The following CDH12 variants were observed in gnomAD, a reference collection of about 807,000 sequenced individuals.
CDH12 encodes cadherin-12.
CDH12 carries 41 observed loss-of-function variants against 74.1 expected under a neutral mutation model. The ratio of observed to expected loss-of-function variants is 0.55; its 90% CI spans 0.43 to 0.72. CDH12 has a LOEUF of 0.72. Ranked by LOEUF, CDH12 falls within the 30% of genes least tolerant of loss-of-function variation. The pLI is 0.00. For missense variants in CDH12, 945 were observed against 977.2 expected (o/e 0.97, Z 0.44); for synonymous variants, 399 against 355.0 (o/e 1.12, Z -1.39).
chr5:21,791,236 T>C (rs1021313859), intron 10 of CDH12, among the ~76,000 whole-genome samples: 4 of 152,034 alleles, frequency 2.6e-5, no homozygotes, highest in African/African-American at 9.7e-5. Flanking sequence ...ATATTTTCTA[T>C]TGTGATATTT....
At chr5:22,343,317 C>CACAG (rs1554033421) in intron 3 of CDH12, among the ~76,000 whole-genome samples, 1,041 of 93,698 alleles carry the variant, frequency 0.011, 8 homozygotes, top group Middle Eastern at 0.045. Context: ...CACACAGACA[C>CACAG]ACACACAGAG....
At chr5:22,007,183 G>C (rs2150149220) in intron 5 of CDH12, among the ~76,000 whole-genome samples, 1 of 152,264 alleles carries the variant, frequency 6.6e-6, no homozygotes, top group East Asian at 1.9e-4. Flanking sequence ...GGTAATAAAA[G>C]ACAGATCCTG....
intron 6 of CDH12, among the ~76,000 whole-genome samples, chr5:21,953,035 C>A (rs1755934261): frequency 1.3e-5 from 2 of 151,730 alleles, no homozygotes; most frequent in African/African-American, 4.8e-5. Context: ...ATTAATGCAG[C>A]CATGCTTCCC....
rs1170373311 is a variant in CDH12 at position 21,765,556 on chromosome 5, A to AG, written c.1394-458dup. On this transcript the variant is annotated intron_variant, in intron 11 of 14. Transcript: ENST00000382254. ...AGAACTATAACAAAAAAAAAAAAAA[A>AG]GGGGAAAGAAGGCTCTTTATAAATG... Among the ~76,000 whole-genome samples the AG allele has an allele frequency of 1.7e-3, 253 of 150,876 alleles. 1 individual carries two copies. The highest frequency in any genetic ancestry group is 6.0e-3 in the African/African-American group (245 of 41,110).
At chr5:22,483,215 TA>T (rs1746450188) in intron 2 of CDH12, among the ~76,000 whole-genome samples, 1 of 152,202 alleles carries the variant, frequency 6.6e-6, no homozygotes, top group African/African-American at 2.4e-5. Flanking sequence ...ATGTCACGTC[TA>T]TTAACTGCAG....
At position 22,405,324 on chromosome 5, in the gene CDH12, C is replaced by G; in HGVS notation, c.-400G>C. ...CAAATTGTTTTGACCTCCACAGTAACTTGATTCTATAGCACTGGACATCAA... is the reference window on the plus strand; with the variant it reads ...CAAATTGTTTTGACCTCCACAGTAAGTTGATTCTATAGCACTGGACATCAA... On this transcript the variant is annotated 5_prime_UTR_variant, in exon 3 of 15. Transcript: ENST00000382254. The G allele has an allele frequency of 1.0e-6, 1 of 981,026 alleles. No homozygotes were observed. The allele number at this position is 981,026 out of a possible 1,614,324, so 60.8% of individuals were successfully genotyped here.
At chr5:21,836,367 T>A (rs1749535737) in intron 8 of CDH12, among the ~76,000 whole-genome samples, 1 of 151,460 alleles carries the variant, frequency 6.6e-6, no homozygotes, top group Non-Finnish European at 1.5e-5. Context: ...GAGTAAGAAA[T>A]TTTCTTAGAA....
intron 2 of CDH12, among the ~76,000 whole-genome samples, chr5:22,425,011 T>A (rs1440502593): frequency 1.3e-5 from 2 of 150,242 alleles, no homozygotes; most frequent in Non-Finnish European, 3.0e-5. Context: ...CCATACATGA[T>A]ATATCTGCAC....
At chr5:22,636,654 A>G (rs779198574) in intron 1 of CDH12, among the ~76,000 whole-genome samples, 3 of 152,180 alleles carry the variant, frequency 2.0e-5, no homozygotes, top group Non-Finnish European at 4.4e-5. Flanking sequence ...GTGAATGACA[A>G]TGTCTGAGGG....
chr5:22,831,351 T>TTTTGTG (rs1554007032), intron 1 of CDH12, among the ~76,000 whole-genome samples: 2 of 138,644 alleles, frequency 1.4e-5, no homozygotes, highest in African/African-American at 5.6e-5. Flanking sequence ...GTTTTGGAGT[T>TTTTGTG]TGTGTGTGTG....
chr5:22,822,868 C>T (rs1396753334), intron 1 of CDH12, among the ~76,000 whole-genome samples: 2 of 152,116 alleles, frequency 1.3e-5, no homozygotes, highest in African/African-American at 4.8e-5. Flanking sequence ...TTTGACCCAG[C>T]CATCCGATTC....
chr5:22,146,551 T>C (rs1747197042), intron 4 of CDH12, among the ~76,000 whole-genome samples: 1 of 152,148 alleles, frequency 6.6e-6, no homozygotes, highest in Non-Finnish European at 1.5e-5. Context: ...CATTACGTTA[T>C]TCCATTTTCT....
chr5:22,810,042 A>G (rs1324037886), intron 1 of CDH12, among the ~76,000 whole-genome samples: 2 of 152,032 alleles, frequency 1.3e-5, no homozygotes, highest in Non-Finnish European at 1.5e-5. Flanking sequence ...TTAAAACACT[A>G]TATTTTATTC....
rs1269641899 is a variant in CDH12, at chr5:21,975,291, C to G, written c.326G>C (p.Gly109Ala). Reference protein sequence around the residue: ...GTVFTIDETTGDIHAIRSLDR... With the variant: ...GTVFTIDETTADIHAIRSLDR... ...TAGGCTCCTTATTGCATGAATGTCC[C>G]CTGTGGTTTCATCAATGGTAAAAAC... Residue 109 changes from glycine to alanine, a missense_variant, in exon 6 of 15, where the codon GGG (glycine) becomes GCG (alanine). Physicochemically the swap from Gly to Ala is moderately conservative, Grantham distance 60. Transcript: ENST00000382254. The G allele has an allele frequency of 6.3e-7, 1 of 1,596,834 alleles. No individual in the cohort carries two copies. Among genetic ancestry groups the G allele is most frequent in the East Asian group, 2.2e-5 (1 of 44,852 alleles).
At chr5:22,807,174 G>C (rs1187453465) in intron 1 of CDH12, among the ~76,000 whole-genome samples, 1 of 152,200 alleles carries the variant, frequency 6.6e-6, no homozygotes, top group East Asian at 1.9e-4. Flanking sequence ...ATTATATAGA[G>C]CAACATAATT....
At chr5:22,043,762 A>C (rs886395021) in intron 5 of CDH12, among the ~76,000 whole-genome samples, 1 of 152,142 alleles carries the variant, frequency 6.6e-6, no homozygotes, top group Non-Finnish European at 1.5e-5. Context: ...GCAGGATACA[A>C]ATTCAACATA....
At position 22,841,968 on chromosome 5, in the gene CDH12, C is replaced by T. The variant is rs1737099590; in HGVS notation, c.-523+11090G>A. ...ATAACCACATGGTTCCGCATGCATC[C>T]CATGCATAATAAAATATGAAAATAT... On this transcript the variant is annotated intron_variant, in intron 1 of 14. Coordinates refer to ENST00000382254, the MANE Select transcript of CDH12 (RefSeq NM_004061.5). 2.0e-5 allele frequency among the ~76,000 whole-genome samples: 3 copies of T among 151,966 alleles called. No individual in the cohort carries two copies. In the South Asian group the frequency reaches 6.2e-4, roughly 32 times the overall value.
chr5:22,345,814 G>A (rs1273044723), intron 3 of CDH12, among the ~76,000 whole-genome samples: 1 of 152,112 alleles, frequency 6.6e-6, no homozygotes, highest in Non-Finnish European at 1.5e-5. Context: ...TGTCAAAAAG[G>A]AGAATGGGTC....
intron 2 of CDH12, among the ~76,000 whole-genome samples, chr5:22,479,066 C>T (rs1171518787): frequency 1.3e-5 from 2 of 152,124 alleles, no homozygotes; most frequent in East Asian, 1.9e-4. Flanking sequence ...AGAAAAGCAA[C>T]GGTTTGCAAT....
Sources: gnomAD v4.1 joint callset for allele counts (sites outside exome capture counted in the v4.1 genomes callset) on GRCh38, gnomAD v4.1.1 for gene constraint, MANE v1.5 for transcripts, NCBI Gene and HGNC (gene_info 2026-07-23, HGNC 2026-07-21) for gene names.